Variants in LINGO2 observed in about 807,000 individuals in gnomAD.
LINGO2 encodes the protein leucine rich repeat and Ig domain containing 2, also known as leucine-rich repeat and immunoglobulin-like domain-containing nogo receptor-interacting protein 2.
A neutral mutation model predicts 30.6 loss-of-function variants in LINGO2; 14 were observed. The ratio of observed to expected loss-of-function variants is 0.46; its 90% CI spans 0.30 to 0.72. The LOEUF (loss-of-function observed/expected upper bound fraction) is 0.72. Ranked by LOEUF, LINGO2 falls within the 30% of genes least tolerant of loss-of-function variation. The probability of loss-of-function intolerance (pLI) is 0.07; values close to 1 mark genes in which losing one functional copy is unlikely to be tolerated. For synonymous variants in LINGO2, 317 were observed against 288.5 expected (o/e 1.10, Z -1.00); for missense variants, 729 against 751.7 (o/e 0.97, Z 0.35).
intron 2 of LINGO2, among the ~76,000 whole-genome samples, chr9:28,438,478 C>T (rs1824045375): frequency 6.6e-6 from 1 of 152,072 alleles, no homozygotes. Flanking sequence ...GATAAGTGGT[C>T]CCACTGGTTC....
rs540237176 is a variant in LINGO2 at position 28,090,302 on chromosome 9, C to G, written c.-86-77897G>C. 7.2e-5 allele frequency among the ~76,000 whole-genome samples: 11 copies of G among 152,168 alleles called. No homozygotes were observed. The East Asian group carries it at 2.1e-3, about 29-fold the overall frequency. ...CCAATATCCTTGATGAACATCGATG[C>G]AAAAATCCTCAATAAAATACTGGCA... On this transcript the variant is annotated intron_variant, in intron 4 of 5. Transcript: ENST00000379992.
intron 4 of LINGO2, among the ~76,000 whole-genome samples, chr9:28,042,429 G>A (rs940346779): frequency 6.6e-6 from 1 of 152,208 alleles, no homozygotes; most frequent in Non-Finnish European, 1.5e-5. Context: ...TATGCTGGGA[G>A]TTTGAGGATG....
the LINGO2 span, among the ~76,000 whole-genome samples, chr9:28,746,018 C>T: frequency 5.3e-5 from 8 of 151,794 alleles, no homozygotes. Context: ...TCAAAGGAAC[C>T]AACACAGAAA....
the LINGO2 span, among the ~76,000 whole-genome samples, chr9:28,993,534 G>T: frequency 2.0e-5 from 3 of 151,776 alleles, no homozygotes; most frequent in Non-Finnish European, 4.4e-5. Context: ...GCATCATCCT[G>T]ATACCAAAGC....
the LINGO2 span, among the ~76,000 whole-genome samples, chr9:28,752,163 A>G: frequency 6.6e-6 from 1 of 151,988 alleles, no homozygotes; most frequent in African/African-American, 2.4e-5. Flanking sequence ...CTCGGGTTTG[A>G]ACAACCTGGA....
At chr9:28,081,599 G>A (rs1208585061) in intron 4 of LINGO2, among the ~76,000 whole-genome samples, 3 of 152,174 alleles carry the variant, frequency 2.0e-5, no homozygotes, top group African/African-American at 7.2e-5. Flanking sequence ...GATAGAGAAC[G>A]AGCTATATTG....
the LINGO2 span, among the ~76,000 whole-genome samples, chr9:29,205,853 T>C: frequency 1.3e-5 from 2 of 152,190 alleles, no homozygotes; most frequent in Admixed American, 6.5e-5. Context: ...AGTTCCATTG[T>C]CCCAAAAGAT....
the LINGO2 span, among the ~76,000 whole-genome samples, chr9:29,172,265 CAT>C: frequency 6.6e-6 from 1 of 151,674 alleles, no homozygotes; most frequent in African/African-American, 2.4e-5. Context: ...ATTTAGCAAA[CAT>C]AGATAATTTT....
the LINGO2 span, among the ~76,000 whole-genome samples, chr9:28,964,135 T>C: frequency 6.6e-6 from 1 of 151,916 alleles, no homozygotes; most frequent in African/African-American, 2.4e-5. Context: ...CACATACATA[T>C]ACATATTCTG....
At chr9:28,802,489 T>C in the LINGO2 span, among the ~76,000 whole-genome samples, 2 of 151,948 alleles carry the variant, frequency 1.3e-5, no homozygotes, top group Non-Finnish European at 2.9e-5. Flanking sequence ...TTTTTCACTT[T>C]CTGCTTTGGC....
intron 1 of LINGO2, among the ~76,000 whole-genome samples, chr9:28,509,319 T>C (rs572111049): frequency 6.6e-6 from 1 of 152,330 alleles, no homozygotes; most frequent in Non-Finnish European, 1.5e-5. Context: ...TCAGCCTTTC[T>C]ACTACAAGTT....
At chr9:29,191,147 C>A in the LINGO2 span, among the ~76,000 whole-genome samples, 1 of 152,112 alleles carries the variant, frequency 6.6e-6, no homozygotes. Flanking sequence ...CATTCTTAGT[C>A]AATAAGAAAA....
At chr9:28,705,071 T>G in the LINGO2 span, among the ~76,000 whole-genome samples, 3 of 151,956 alleles carry the variant, frequency 2.0e-5, no homozygotes, top group Non-Finnish European at 4.4e-5. Context: ...AGCACCACCA[T>G]GCCTGGCTAA....
intron 4 of LINGO2, among the ~76,000 whole-genome samples, chr9:28,020,649 T>G (rs1009098632): frequency 6.6e-6 from 1 of 152,208 alleles, no homozygotes. Flanking sequence ...TTTGGTAGTA[T>G]TCACCAGTGG....
At chr9:28,145,609 A>T (rs1242855418) in intron 4 of LINGO2, among the ~76,000 whole-genome samples, 1 of 151,868 alleles carries the variant, frequency 6.6e-6, no homozygotes, top group Non-Finnish European at 1.5e-5. Flanking sequence ...ATTTGAGAAA[A>T]CCATGTGTTA....
chr9:27,973,620 C>G (rs868239791), intron 5 of LINGO2, among the ~76,000 whole-genome samples: 40 of 152,284 alleles, frequency 2.6e-4, no homozygotes, highest in African/African-American at 8.9e-4. Context: ...GAAAGAGAGT[C>G]ACTGGATGAG....
chr9:28,680,517 A>C, the LINGO2 span, among the ~76,000 whole-genome samples: 2 of 151,928 alleles, frequency 1.3e-5, no homozygotes, highest in African/African-American at 4.8e-5. Context: ...TCTATTTTTA[A>C]TTTTTTCATA....
intron 4 of LINGO2, among the ~76,000 whole-genome samples, chr9:28,174,921 T>TGTGAGAGAGAGAGAGAGAGAGAGAGA (rs962695032): frequency 7.5e-6 from 1 of 133,308 alleles, no homozygotes; most frequent in African/African-American, 2.8e-5. Flanking sequence ...TGTGTGTGTG[T>TGTGAGAGAGAGAGAGAGAGAGAGAGA]GAGAGAGAGA....
rs1047490510 is a variant in LINGO2, at chr9:28,476,805, C to T, written c.-364-780G>A. ...ATGCAAGTCTAAGATTATTCTTTGT[C>T]GTTTATGTATTTAATATAATGGACA... On this transcript the variant is annotated intron_variant, in intron 1 of 5. Coordinates refer to ENST00000379992, the Ensembl canonical transcript of LINGO2. Among the ~76,000 whole-genome samples, 4 of 152,008 alleles carry T rather than the reference C, an allele frequency of 2.6e-5. No individual in the cohort carries two copies. In the South Asian group the frequency reaches 8.3e-4, roughly 31 times the overall value.
Sources: allele counts gnomAD v4.1 joint callset (sites outside exome capture counted in the v4.1 genomes callset), GRCh38; gene constraint gnomAD v4.1.1; transcripts MANE v1.5; gene names NCBI Gene and HGNC (gene_info 2026-07-23, HGNC 2026-07-21).